The following GLB1L2 variants were observed in gnomAD, a reference collection of about 807,000 sequenced individuals.
The protein encoded by GLB1L2 is galactosidase beta 1 like 2, also known as beta-galactosidase-1-like protein 2.
Under a neutral mutation model 84.1 loss-of-function variants are expected in GLB1L2, and 68 were observed. That is an observed-to-expected ratio of 0.81 (90% CI 0.67 to 0.99). GLB1L2 has a LOEUF of 0.99. Among genes scored for constraint, GLB1L2 ranks in the 50% least tolerant of loss-of-function variants. The pLI is 0.00. For synonymous variants in GLB1L2, 290 were observed against 318.0 expected (o/e 0.91, Z 0.94); for missense variants, 762 against 805.6 (o/e 0.95, Z 0.66).
chr11:134,367,390 G>T, intron 9 of GLB1L2, 49 bp downstream of exon 9: 2 of 1,498,298 alleles, frequency 1.3e-6, no homozygotes, highest in Non-Finnish European at 1.9e-6. Flanking sequence ...CTTAAGAAGT[G>T]AGGATGAGTT....
intron 1 of GLB1L2, among the ~76,000 whole-genome samples, chr11:134,341,251 G>A (rs551283439): frequency 2.0e-5 from 3 of 152,124 alleles, no homozygotes; most frequent in South Asian, 4.1e-4. Flanking sequence ...AAGACCCTTC[G>A]ACTCACAGCA....
At chr11:134,345,461 C>T (rs78787361) in intron 4 of GLB1L2, among the ~76,000 whole-genome samples, 6 of 152,174 alleles carry the variant, frequency 3.9e-5, no homozygotes, top group Non-Finnish European at 7.4e-5. Context: ...GGGAAAAATC[C>T]GACCTTCCCT....
At chr11:134,348,809 T>C (rs1475165844) in intron 5 of GLB1L2, among the ~76,000 whole-genome samples, 3 of 152,086 alleles carry the variant, frequency 2.0e-5, no homozygotes, top group African/African-American at 4.8e-5. Flanking sequence ...CACTGGCAGA[T>C]TCGGTGTCTG....
At chr11:134,336,486 T>C (rs1454015563) in intron 1 of GLB1L2, among the ~76,000 whole-genome samples, 3 of 152,232 alleles carry the variant, frequency 2.0e-5, no homozygotes, top group Admixed American at 1.3e-4. Flanking sequence ...CTTCTACTGA[T>C]GGACATCGAT....
At chr11:134,353,185 G>A (rs1020989683) in intron 5 of GLB1L2, among the ~76,000 whole-genome samples, 5 of 152,036 alleles carry the variant, frequency 3.3e-5, no homozygotes, top group African/African-American at 1.2e-4. Context: ...GAGGCAAGTG[G>A]AACACTTGAG....
rs560069347 is a variant in GLB1L2 at position 134,368,884 on chromosome 11, C to T, written c.1027+103C>T. ...GGGTCAACTTCTGGCACCTTCGTGT[C>T]TTTGGCAATAGAGTACCTGGAGAAG... On this transcript the variant is annotated intron_variant, in intron 10 of 18. Coordinates refer to ENST00000535456, the MANE Select transcript of GLB1L2 (RefSeq NM_001370461.1). 44 of 1,234,328 alleles carry T rather than the reference C, an allele frequency of 3.6e-5. No homozygotes were observed. In the South Asian group the frequency reaches 5.6e-4, roughly 16 times the overall value. The allele number at this position is 1,234,328 out of a possible 1,614,324, so 76.5% of individuals were successfully genotyped here. A position where few individuals can be genotyped will look rare whatever the true frequency, so the allele number is the denominator to read the frequency against.
intron 5 of GLB1L2, among the ~76,000 whole-genome samples, chr11:134,352,809 G>A (rs998772089): frequency 2.6e-5 from 4 of 151,940 alleles, no homozygotes; most frequent in Non-Finnish European, 5.9e-5. Flanking sequence ...GACCACGCCC[G>A]GCTGATATTT....
chr11:134,350,934 T>C (rs963560144), intron 5 of GLB1L2, among the ~76,000 whole-genome samples: 5 of 152,208 alleles, frequency 3.3e-5, no homozygotes, highest in Non-Finnish European at 7.3e-5. Context: ...TTTAGGGGTG[T>C]GGGGATGTGC....
chr11:134,341,037 C>T (rs1943453948), intron 1 of GLB1L2, among the ~76,000 whole-genome samples: 1 of 152,130 alleles, frequency 6.6e-6, no homozygotes, highest in Non-Finnish European at 1.5e-5. Context: ...CATAAGATGG[C>T]TTGGCACAAA....
chr11:134,342,978 G>A, intron 2 of GLB1L2, 27 bp downstream of exon 2: 3 of 1,589,076 alleles, frequency 1.9e-6, no homozygotes, highest in South Asian at 1.1e-5. Flanking sequence ...TCCCCCCGGA[G>A]CCTGGTTCCT....
At chr11:134,348,810 T>G (rs1184843017) in intron 5 of GLB1L2, among the ~76,000 whole-genome samples, 1 of 152,076 alleles carries the variant, frequency 6.6e-6, no homozygotes, top group African/African-American at 2.4e-5. Flanking sequence ...ACTGGCAGAT[T>G]CGGTGTCTGG....
intron 10 of GLB1L2, among the ~76,000 whole-genome samples, chr11:134,369,192 T>G (rs1943906139): frequency 6.6e-6 from 1 of 152,136 alleles, no homozygotes; most frequent in Admixed American, 6.5e-5. Context: ...CATGGACAGT[T>G]TGTGTTTTTT....
chr11:134,341,067 T>C (rs2136260777), intron 1 of GLB1L2, among the ~76,000 whole-genome samples: 1 of 152,336 alleles, frequency 6.6e-6, no homozygotes, highest in East Asian at 1.9e-4. Context: ...ATAAGCTATA[T>C]ACCACCATGG....
At chr11:134,351,018 A>AT (rs1357062623) in intron 5 of GLB1L2, among the ~76,000 whole-genome samples, 2 of 151,984 alleles carry the variant, frequency 1.3e-5, no homozygotes, top group Admixed American at 1.3e-4. Flanking sequence ...GGTTGCCTTT[A>AT]TTTTTTTCTT....
chr11:134,359,925 A>T (rs1355728752), intron 7 of GLB1L2: 1 of 152,268 alleles, frequency 6.6e-6, no homozygotes, highest in Non-Finnish European at 1.5e-5. Flanking sequence ...GAAGTTAGCG[A>T]GGCTTTCTGT....
At chr11:134,356,130 C>A in intron 5 of GLB1L2, 171 bp from the exon 6 acceptor site, 27 of 708,238 alleles carry the variant, frequency 3.8e-5, no homozygotes, top group East Asian at 7.9e-5. Context: ...TTGATGTTTT[C>A]ATGGGAGAAC....
In GLB1L2 at chr11:134,334,814, C is replaced by T. The variant is rs998457168; in HGVS notation, c.86+2667C>T. 3.8e-4 allele frequency among the ~76,000 whole-genome samples: 58 copies of T among 152,118 alleles called. 3 individuals carry two copies. Among genetic ancestry groups the T allele is most frequent in the Non-Finnish European group, 7.3e-5 (5 of 68,032 alleles). The stretch of plus-strand genomic sequence containing the variant: ...ACTCAGAGTATTATTTTGAGGTCTG[C>T]GATGCACGTATCAGTGCGAACCGTG... On this transcript the variant is annotated intron_variant, in intron 1 of 18. Transcript: ENST00000535456. This position sits in a 1 kb window ranked among gnomAD's most constrained non-coding sequence, Gnocchi z 4.1.
rs147564346 is a variant in GLB1L2 at position 134,334,208 on chromosome 11, G to A, written c.86+2061G>A. ...AGGTGGCCAGTGGAATATAGGTCACGTGGAAACTGGCCACCAAGTTCACTC... is the reference window on the plus strand; with the variant it reads ...AGGTGGCCAGTGGAATATAGGTCACATGGAAACTGGCCACCAAGTTCACTC... On this transcript the variant is annotated intron_variant, in intron 1 of 18. Transcript: ENST00000535456. This position sits in a 1 kb window ranked among gnomAD's most constrained non-coding sequence, Gnocchi z 4.1. Among the ~76,000 whole-genome samples the A allele has an allele frequency of 6.6e-6, 1 of 152,250 alleles. No individual in the cohort carries two copies. The highest frequency in any genetic ancestry group is 2.1e-4 in the South Asian group (1 of 4,812).
intron 17 of GLB1L2, 106 bp downstream of exon 17, chr11:134,374,362 C>T (rs1206471594): frequency 1.0e-6 from 1 of 991,366 alleles, no homozygotes; most frequent in Non-Finnish European, 1.6e-6. Context: ...GGCTTCTGTG[C>T]CCAGAGGGTC....
Sources: gnomAD v4.1 joint callset for allele counts (sites outside exome capture counted in the v4.1 genomes callset) on GRCh38, gnomAD v4.1.1 for gene constraint, Gnocchi (gnomAD v3.1) non-coding constraint, MANE v1.5 for transcripts, NCBI Gene and HGNC (gene_info 2026-07-23, HGNC 2026-07-21) for gene names.